Variants in MGST2 observed in about 807,000 individuals in gnomAD.
MGST2 encodes glutathione peroxidase MGST2.
A neutral mutation model predicts 16.6 loss-of-function variants in MGST2; 9 were observed. The ratio of observed to expected loss-of-function variants is 0.54; its 90% CI spans 0.33 to 0.95. MGST2 has a LOEUF of 0.95. MGST2 is among the 40% of genes least tolerant of loss of function. The pLI, the probability that MGST2 is intolerant of heterozygous loss-of-function variation, is 0.03. For missense variants in MGST2, 159 were observed against 175.1 expected (o/e 0.91, Z 0.52); for synonymous variants, 79 against 68.0 (o/e 1.16, Z -0.79).
At chr4:139,670,003 C>T (rs576796574) in intron 1 of MGST2, among the ~76,000 whole-genome samples, 153 of 152,232 alleles carry the variant, frequency 1.0e-3, no homozygotes, top group African/African-American at 3.6e-3. Context: ...CAGGTGTGTG[C>T]ATTCCTCGGT....
downstream of MGST2, among the ~76,000 whole-genome samples, chr4:139,709,065 G>GAA (rs368272756): frequency 2.6e-4 from 16 of 60,936 alleles, no homozygotes; most frequent in African/African-American, 1.0e-3. Flanking sequence ...TGAGACAATG[G>GAA]AAAAAATTTT....
chr4:139,746,169 T>C, the MGST2 span, among the ~76,000 whole-genome samples: 6 of 152,250 alleles, frequency 3.9e-5, no homozygotes, highest in Non-Finnish European at 8.8e-5. Context: ...CTCGGTCTTA[T>C]TGCTAAATCT....
chr4:139,707,811 G>C (rs2110918788), downstream of MGST2, among the ~76,000 whole-genome samples: 1 of 152,230 alleles, frequency 6.6e-6, no homozygotes, highest in Admixed American at 6.5e-5. Context: ...GGCCAGTGAT[G>C]ATGAGCATTT....
chr4:139,744,763 C>T (rs759130582), downstream of MGST2, among the ~76,000 whole-genome samples: 2 of 152,092 alleles, frequency 1.3e-5, no homozygotes, highest in African/African-American at 2.4e-5. Context: ...GTGCACTTCA[C>T]GGAAAAGCTC....
the MGST2 span, among the ~76,000 whole-genome samples, chr4:139,749,700 C>T: frequency 0.021 from 3,181 of 152,298 alleles, 46 homozygotes; most frequent in Non-Finnish European, 0.032. Flanking sequence ...TTCACAGACC[C>T]GCGGTGGCAG....
intron 1 of MGST2, among the ~76,000 whole-genome samples, chr4:139,666,396 TTAG>T (rs8192007): frequency 2.6e-5 from 4 of 152,132 alleles, no homozygotes; most frequent in Admixed American, 2.6e-4. Flanking sequence ...CAAACGAGCG[TTAG>T]TAGCCTGCTA....
At chr4:139,673,188 G>A (rs1162243957) in intron 1 of MGST2, among the ~76,000 whole-genome samples, 1 of 152,174 alleles carries the variant, frequency 6.6e-6, no homozygotes, top group Non-Finnish European at 1.5e-5. Context: ...CAACTGGTAA[G>A]GAGCTAAAAC....
intron 5 of MGST2, chr4:139,725,847 G>A: frequency 6.2e-7 from 1 of 1,611,744 alleles, no homozygotes; most frequent in Non-Finnish European, 8.5e-7. Context: ...TAGAACAACA[G>A]AACACAAGAG....
At chr4:139,741,130 T>C (rs1037242962), downstream of MGST2, among the ~76,000 whole-genome samples, 4 of 152,070 alleles carry the variant, frequency 2.6e-5, no homozygotes, top group African/African-American at 9.7e-5. Flanking sequence ...TGGTGGGGTT[T>C]GAGGAGGCTA....
intron 5 of MGST2, chr4:139,730,646 G>A (rs764252473): frequency 8.6e-5 from 138 of 1,612,762 alleles, no homozygotes; most frequent in Admixed American, 3.3e-5. Flanking sequence ...GTGGTTCGGG[G>A]AAGTCCAACT....
downstream of MGST2, among the ~76,000 whole-genome samples, chr4:139,706,665 C>T (rs2110915990): frequency 6.6e-6 from 1 of 152,140 alleles, no homozygotes; most frequent in Non-Finnish European, 1.5e-5. Flanking sequence ...TGGCTCTGGG[C>T]AGGGTAAAAC....
intron 5 of MGST2, chr4:139,720,067 G>C (rs771464306): frequency 1.4e-5 from 22 of 1,613,968 alleles, no homozygotes; most frequent in Admixed American, 3.3e-5. Context: ...TATGTGTGAT[G>C]CTCATGCCAC....
At chr4:139,741,955 A>C (rs991912638), downstream of MGST2, among the ~76,000 whole-genome samples, 3 of 152,212 alleles carry the variant, frequency 2.0e-5, no homozygotes, top group Non-Finnish European at 4.4e-5. Flanking sequence ...GAAATGGCTC[A>C]GGTATTTTCT....
downstream of MGST2, chr4:139,740,748 G>A (rs1579381267): frequency 6.6e-6 from 1 of 152,418 alleles, no homozygotes; most frequent in South Asian, 2.1e-4. Context: ...ACCACTACAA[G>A]ACAGGAAGAA....
the MGST2 span, among the ~76,000 whole-genome samples, chr4:139,752,256 A>G: frequency 6.6e-6 from 1 of 152,262 alleles, no homozygotes; most frequent in East Asian, 1.9e-4. Flanking sequence ...ATGGTGTGCC[A>G]TCAGTTGTAA....
chr4:139,741,666 G>C (rs1227173794), downstream of MGST2, among the ~76,000 whole-genome samples: 1 of 152,164 alleles, frequency 6.6e-6, no homozygotes, highest in Non-Finnish European at 1.5e-5. Context: ...AGGATCGCTT[G>C]AGCCTGGGAG....
chr4:139,703,178 C>T lies in MGST2; in HGVS notation c.230-277C>T, dbSNP rs148388446. Among the ~76,000 whole-genome samples, 417 of 151,864 alleles carry T rather than the reference C, an allele frequency of 2.7e-3. 17 individuals carry two copies. The East Asian group carries it at 0.057, about 21-fold the overall frequency. ...TGACCTCAAGTGATTCACCCCCCCTCGGCCTCTCAAAGTGTTGGGAATACA... is the reference window on the plus strand; with the variant it reads ...TGACCTCAAGTGATTCACCCCCCCTTGGCCTCTCAAAGTGTTGGGAATACA... On this transcript the variant is annotated intron_variant, in intron 3 of 4. Transcript: ENST00000265498.
At chr4:139,728,163 C>T (rs1579365881) in intron 5 of MGST2, among the ~76,000 whole-genome samples, 1 of 151,966 alleles carries the variant, frequency 6.6e-6, no homozygotes, top group South Asian at 2.1e-4. Flanking sequence ...TGTAGTGAGC[C>T]GAGATCATGC....
chr4:139,703,981 G>C (rs376812130), intron 4 of MGST2, 35 bp from the exon 5 acceptor site: 1 of 1,613,832 alleles, frequency 6.2e-7, no homozygotes, highest in Non-Finnish European at 8.5e-7. Context: ...TTACAGTCCA[G>C]TTTGTCACTT....
Sources: allele counts gnomAD v4.1 joint callset (sites outside exome capture counted in the v4.1 genomes callset), GRCh38; gene constraint gnomAD v4.1.1; transcripts MANE v1.5; gene names NCBI Gene and HGNC (gene_info 2026-07-23, HGNC 2026-07-21).